The following FRMPD4 variants were observed in gnomAD, a reference collection of about 807,000 sequenced individuals.
The protein encoded by FRMPD4 is FERM and PDZ domain containing 4.
FRMPD4 carries 22 observed loss-of-function variants against 94.1 expected under a neutral mutation model. The ratio of observed to expected loss-of-function variants is 0.23; its 90% CI spans 0.17 to 0.33. FRMPD4 has a LOEUF of 0.33. Among genes scored for constraint, FRMPD4 ranks in the 10% least tolerant of loss-of-function variants. The pLI is 1.00. For missense variants in FRMPD4, 1,111 were observed against 1,339.9 expected (o/e 0.83, Z 2.67); for synonymous variants, 631 against 548.6 (o/e 1.15, Z -2.10).
intron 1 of FRMPD4, among the ~76,000 whole-genome samples, chrX:12,268,507 A>C (rs2054306758): frequency 8.9e-6 from 1 of 112,078 alleles, no homozygotes; most frequent in South Asian, 3.8e-4. Flanking sequence ...TGAGGGTATT[A>C]ACCTCTTAGG....
At chrX:12,180,805 A>G (rs964153961) in intron 1 of FRMPD4, among the ~76,000 whole-genome samples, 2 of 112,163 alleles carry the variant, frequency 1.8e-5, no homozygotes, top group African/African-American at 3.2e-5. Context: ...GGGTGTGTGT[A>G]TGTTCCAATA....
At chrX:11,894,770 A>C (rs780552060) in intron 3 of FRMPD4, among the ~76,000 whole-genome samples, 6 of 112,453 alleles carry the variant, frequency 5.3e-5, no homozygotes, top group Non-Finnish European at 1.1e-4. Context: ...GAGATTCTGC[A>C]TCTGTAAGAG....
intron 1 of FRMPD4, among the ~76,000 whole-genome samples, chrX:12,388,857 A>ACACAC (rs2056437478): frequency 1.0e-5 from 1 of 96,955 alleles, no homozygotes; most frequent in African/African-American, 3.9e-5. Flanking sequence ...ATATACACAC[A>ACACAC]ATGGAGTACT....
At chrX:12,420,001 T>C (rs781179734) in intron 1 of FRMPD4, among the ~76,000 whole-genome samples, 24 of 111,689 alleles carry the variant, frequency 2.1e-4, no homozygotes, top group African/African-American at 7.5e-4. Context: ...AGCCCAGATC[T>C]TTCTGCCAAT....
intron 1 of FRMPD4, among the ~76,000 whole-genome samples, chrX:12,282,088 A>G (rs941853856): frequency 3.6e-5 from 4 of 112,600 alleles, no homozygotes; most frequent in African/African-American, 1.3e-4. Flanking sequence ...ACTCTACACT[A>G]TCCCTTCATA....
chrX:12,688,295 G>A (rs1001186308), intron 7 of FRMPD4, among the ~76,000 whole-genome samples: 3 of 111,956 alleles, frequency 2.7e-5, no homozygotes, highest in African/African-American at 9.7e-5. Context: ...GTAAAGACTT[G>A]AATGCATTTC....
chrX:11,830,284 T>G (rs529511710), intron 1 of FRMPD4, among the ~76,000 whole-genome samples: 12 of 112,009 alleles, frequency 1.1e-4, no homozygotes, highest in African/African-American at 3.2e-4. Context: ...AAAGAAAGAG[T>G]TGAAATAGCC....
At chrX:12,376,247 C>T (rs1050891989) in intron 1 of FRMPD4, among the ~76,000 whole-genome samples, 1 of 112,408 alleles carries the variant, frequency 8.9e-6, no homozygotes, top group Non-Finnish European at 1.9e-5. Context: ...TGGGAGGCCT[C>T]ATTCGATTGT....
At position 12,161,986 on chromosome X, in the gene FRMPD4, G is replaced by A. The variant is rs1338139466; in HGVS notation, c.41+22974G>A. ...CTACATTGCCATCCTATTACATATC[G>A]CTTTCCTTCATTTGGACCCATACGG... On this transcript the variant is annotated intron_variant, in intron 1 of 16. Transcript: ENST00000675598. 7.2e-5 allele frequency among the ~76,000 whole-genome samples: 8 copies of A among 111,064 alleles called. No individual in the cohort carries two copies. The Admixed American group carries it at 7.7e-4, about 11-fold the overall frequency.
chrX:12,648,082 A>C (rs1602258404), intron 4 of FRMPD4, among the ~76,000 whole-genome samples: 1 of 111,462 alleles, frequency 9.0e-6, no homozygotes, highest in East Asian at 2.8e-4. Context: ...CCACATCCCC[A>C]ACCTTTTTGA....
chrX:11,975,861 A>G (rs1023228774), intron 3 of FRMPD4, among the ~76,000 whole-genome samples: 1 of 112,081 alleles, frequency 8.9e-6, no homozygotes, highest in African/African-American at 3.2e-5. Context: ...TGAGGCTTAA[A>G]TCAAAGAAAT....
Position 11,941,110 on chromosome X carries a change from G to A in FRMPD4, c.95+63092G>A, listed in dbSNP as rs1022157776. Among the ~76,000 whole-genome samples, 4 of 44,590 alleles carry A rather than the reference G, an allele frequency of 9.0e-5. 1 individual carries two copies. The highest frequency in any genetic ancestry group is 9.2e-5 in the Non-Finnish European group (2 of 21,639). The allele number at this position is 44,590 out of a possible 115,157, so 38.7% of individuals were successfully genotyped here. A position where few individuals can be genotyped will look rare whatever the true frequency, so the allele number is the denominator to read the frequency against. On this transcript the variant is annotated intron_variant, in intron 3 of 18. Transcript: ENST00000640291. ...GAAAGGGAACTCCCTGACCCCTTGC[G>A]CTTCCCAGGTGAGGCAATGCCTCGC...
At chrX:12,275,283 C>T (rs541123012) in intron 1 of FRMPD4, among the ~76,000 whole-genome samples, 3 of 110,692 alleles carry the variant, frequency 2.7e-5, no homozygotes, top group Non-Finnish European at 5.7e-5. Flanking sequence ...ACATGACATG[C>T]CTGCTCCTGC....
chrX:12,315,726 T>A lies in FRMPD4; in HGVS notation c.41+176714T>A, dbSNP rs144161056. On this transcript the variant is annotated intron_variant, in intron 1 of 16. Coordinates refer to ENST00000675598, the MANE Select transcript of FRMPD4 (RefSeq NM_001368397.1). ...CTATGCAGCAACAAACAAAATGTTG[T>A]CATGGGAGCTTGATACTCATGCAAG... Among the ~76,000 whole-genome samples, 257 of 112,226 alleles carry A rather than the reference T, an allele frequency of 2.3e-3. 1 individual carries two copies. The highest frequency in any genetic ancestry group is 3.3e-3 in the Non-Finnish European group (176 of 53,228).
chrX:12,113,392 A>G (rs1258067950), intron 3 of FRMPD4, among the ~76,000 whole-genome samples: 1 of 111,947 alleles, frequency 8.9e-6, no homozygotes, highest in African/African-American at 3.3e-5. Context: ...GGCTAAACTG[A>G]TCTGCAGGGC....
intron 1 of FRMPD4, among the ~76,000 whole-genome samples, chrX:12,463,698 G>GTTTT (rs1357648486): frequency 1.2e-5 from 1 of 81,450 alleles, no homozygotes; most frequent in Non-Finnish European, 2.2e-5. Flanking sequence ...TTTTGTTTTT[G>GTTTT]TTTTTTTTTT....
chrX:12,666,561 G>A (rs1051077397), intron 4 of FRMPD4, among the ~76,000 whole-genome samples: 1 of 111,921 alleles, frequency 8.9e-6, no homozygotes, highest in South Asian at 3.8e-4. Flanking sequence ...GAAAAGAACA[G>A]AAATCATTAC....
In FRMPD4 at chrX:12,648,512, G is replaced by A. The variant is rs754490410; in HGVS notation, c.423-26351G>A. On this transcript the variant is annotated intron_variant, in intron 4 of 16. Coordinates refer to ENST00000675598, the MANE Select transcript of FRMPD4 (RefSeq NM_001368397.1). ...ATTTCCAAGATATCTATCTGTAGTC[G>A]CTCTGCTTTGCAACTGTCAAATTCT... 5.4e-5 allele frequency among the ~76,000 whole-genome samples: 6 copies of A among 111,635 alleles called. No homozygotes were observed. In the South Asian group the frequency reaches 1.5e-3, roughly 28 times the overall value.
chrX:12,418,261 G>C (rs937161911), intron 1 of FRMPD4, among the ~76,000 whole-genome samples: 36 of 109,490 alleles, frequency 3.3e-4, no homozygotes, highest in African/African-American at 1.1e-3. Context: ...ACTGGCTAGT[G>C]CATGAAAGAG....
Sources: allele counts gnomAD v4.1 joint callset (sites outside exome capture counted in the v4.1 genomes callset), GRCh38; gene constraint gnomAD v4.1.1; transcripts MANE v1.5; gene names NCBI Gene and HGNC (gene_info 2026-07-23, HGNC 2026-07-21).